KLHL20: variants seen among roughly 807,000 people sequenced by gnomAD.
KLHL20 encodes kelch like family member 20, also known as kelch-like protein 20.
A neutral mutation model predicts 69.5 loss-of-function variants in KLHL20; 29 were observed. That is an observed-to-expected ratio of 0.42 (90% CI 0.31 to 0.57). The LOEUF (loss-of-function observed/expected upper bound fraction) is 0.57. Among genes scored for constraint, KLHL20 ranks in the 20% least tolerant of loss-of-function variants. KLHL20 has a pLI of 0.18. For missense variants in KLHL20, 419 were observed against 776.0 expected, an observed-to-expected ratio of 0.54 and a Z score of 5.47; for synonymous variants, 253 against 265.2, an observed-to-expected ratio of 0.95 and a Z score of 0.45.
chr1:173,784,996 G>A (rs1377391978), intron 11 of KLHL20, among the ~76,000 whole-genome samples, 167 bp from the exon 12 acceptor site: 2 of 152,180 alleles, frequency 1.3e-5, no homozygotes, highest in Non-Finnish European at 2.9e-5. Flanking sequence ...GTGCTCAATT[G>A]CAGCTTCTAA....
At chr1:173,730,022 C>T (rs1358546470) in intron 2 of KLHL20, among the ~76,000 whole-genome samples, 2 of 152,186 alleles carry the variant, frequency 1.3e-5, no homozygotes, top group African/African-American at 4.8e-5. Context: ...TCAGCAAAGT[C>T]TCAGGATACA....
intron 3 of KLHL20, among the ~76,000 whole-genome samples, chr1:173,735,143 CTA>C (rs1242286117): frequency 6.6e-6 from 1 of 152,126 alleles, no homozygotes; most frequent in African/African-American, 2.4e-5. Flanking sequence ...GGTTGATAGA[CTA>C]TGTTAAGAAT....
intron 8 of KLHL20, among the ~76,000 whole-genome samples, chr1:173,772,791 G>A (rs1571927765): frequency 6.6e-6 from 1 of 152,012 alleles, no homozygotes; most frequent in East Asian, 1.9e-4. Flanking sequence ...CAAATTTCTG[G>A]ATCCAACTAC....
intron 7 of KLHL20, among the ~76,000 whole-genome samples, chr1:173,765,541 A>G (rs1447279256): frequency 6.6e-6 from 1 of 152,206 alleles, no homozygotes; most frequent in Admixed American, 6.5e-5. Flanking sequence ...TGCTACAGTA[A>G]TTCTACCTAT....
intron 8 of KLHL20, among the ~76,000 whole-genome samples, chr1:173,771,673 CA>C (rs1325919173): frequency 3.3e-5 from 5 of 152,108 alleles, no homozygotes; most frequent in Non-Finnish European, 7.4e-5. Flanking sequence ...AAGGCTAAGA[CA>C]GGAGATTGCC....
chr1:173,726,090 G>A (rs139349337), intron 2 of KLHL20, among the ~76,000 whole-genome samples: 8,713 of 152,166 alleles, frequency 0.057, 792 homozygotes, highest in African/African-American at 0.19. Flanking sequence ...CGGCACGCCA[G>A]GAGATTATAT....
chr1:173,781,539 C>T (rs1009833292), intron 10 of KLHL20, among the ~76,000 whole-genome samples: 13 of 152,182 alleles, frequency 8.5e-5, no homozygotes, highest in South Asian at 2.1e-4. Flanking sequence ...CTGTCTCGAA[C>T]TCCTGGGCTC....
chr1:173,717,136 A>G (rs188855828), intron 2 of KLHL20, among the ~76,000 whole-genome samples: 335 of 152,318 alleles, frequency 2.2e-3, no homozygotes, highest in Non-Finnish European at 3.1e-3. Context: ...TAAATACTTC[A>G]TCCCTTTACT....
At chr1:173,731,883 A>C (rs1672297276) in intron 2 of KLHL20, among the ~76,000 whole-genome samples, 1 of 152,172 alleles carries the variant, frequency 6.6e-6, no homozygotes, top group South Asian at 2.1e-4. Context: ...CATTTAAAAA[A>C]TTAAAAATAT....
At chr1:173,764,117 T>G (rs1362805164) in intron 7 of KLHL20, among the ~76,000 whole-genome samples, 1 of 151,958 alleles carries the variant, frequency 6.6e-6, no homozygotes, top group Non-Finnish European at 1.5e-5. Flanking sequence ...AACAAACATA[T>G]GAAAAAATGC....
intron 5 of KLHL20, among the ~76,000 whole-genome samples, chr1:173,754,660 C>A (rs548279574): frequency 1.3e-5 from 2 of 151,084 alleles, no homozygotes; most frequent in South Asian, 4.2e-4. Context: ...AAAGGAAAAC[C>A]ATGTACATTA....
intron 3 of KLHL20, among the ~76,000 whole-genome samples, chr1:173,743,538 T>TTAA (rs1445515819): frequency 9.4e-5 from 14 of 148,902 alleles, no homozygotes; most frequent in African/African-American, 3.0e-4. Flanking sequence ...GTGGTGATTT[T>TTAA]AAAAAAAAAA....
chr1:173,755,369 T>C (rs1673505162), intron 5 of KLHL20, among the ~76,000 whole-genome samples: 1 of 152,160 alleles, frequency 6.6e-6, no homozygotes, highest in Non-Finnish European at 1.5e-5. Flanking sequence ...ACATGTGTAA[T>C]TACTAGACTC....
chr1:173,745,170 CTTTTTTTTTT>C (rs796578983), intron 3 of KLHL20, among the ~76,000 whole-genome samples: 4 of 115,534 alleles, frequency 3.5e-5, no homozygotes, highest in Non-Finnish European at 5.3e-5. Context: ...TTTCTTTTTT[CTTTTTTTTTT>C]TTTTTTTTTG....
chr1:173,746,926 A>T (rs1352514669), intron 3 of KLHL20, among the ~76,000 whole-genome samples: 1 of 141,780 alleles, frequency 7.1e-6, no homozygotes, highest in African/African-American at 2.5e-5. Flanking sequence ...GTGCTTCATT[A>T]TCATTGTTTT....
chr1:173,720,908 G>T (rs534347266), intron 2 of KLHL20, among the ~76,000 whole-genome samples: 2 of 152,242 alleles, frequency 1.3e-5, no homozygotes, highest in Admixed American at 1.3e-4. Context: ...GCCAGGTGGA[G>T]ATATCCAGCA....
At chr1:173,741,351 A>G (rs566541403) in intron 3 of KLHL20, among the ~76,000 whole-genome samples, 1 of 152,216 alleles carries the variant, frequency 6.6e-6, no homozygotes, top group African/African-American at 2.4e-5. Flanking sequence ...CATATTTTCT[A>G]TTTTATACTT....
intron 9 of KLHL20, among the ~76,000 whole-genome samples, chr1:173,774,757 C>G (rs1378387562): frequency 6.6e-6 from 1 of 152,080 alleles, no homozygotes; most frequent in Non-Finnish European, 1.5e-5. Flanking sequence ...ACAACGTACT[C>G]TAATCCAAGA....
chr1:173,743,024 A>C (rs1672891135), intron 3 of KLHL20, among the ~76,000 whole-genome samples: 1 of 151,636 alleles, frequency 6.6e-6, no homozygotes, highest in Non-Finnish European at 1.5e-5. Context: ...ATGACAGAAA[A>C]ATGGTAATTC....
Sources: gnomAD v4.1 joint callset for allele counts (sites outside exome capture counted in the v4.1 genomes callset) on GRCh38, gnomAD v4.1.1 for gene constraint, MANE v1.5 for transcripts, NCBI Gene and HGNC (gene_info 2026-07-23, HGNC 2026-07-21) for gene names.